Variants in ABLIM1 observed in about 807,000 individuals in gnomAD.
The protein encoded by ABLIM1 is actin-binding LIM protein 1.
In ABLIM1, 40 loss-of-function variants were observed where a neutral mutation model predicts 107.0. The observed-to-expected ratio is 0.37, with a 90% CI of 0.29 to 0.49. The LOEUF (loss-of-function observed/expected upper bound fraction) is 0.49, where lower values mean the gene tolerates loss of function less well. ABLIM1 is among the 20% of genes least tolerant of loss of function. The pLI, the probability that ABLIM1 is intolerant of heterozygous loss-of-function variation, is 0.97. For synonymous variants in ABLIM1, 357 were observed against 357.3 expected, an observed-to-expected ratio of 1.00 and a Z score of 0.01; for missense variants, 857 against 1,008.5, an observed-to-expected ratio of 0.85 and a Z score of 2.04.
intron 1 of ABLIM1, among the ~76,000 whole-genome samples, chr10:114,656,424 T>C (rs2079524385): frequency 6.6e-6 from 1 of 152,072 alleles, no homozygotes; most frequent in Non-Finnish European, 1.5e-5. Context: ...GACATAGTTA[T>C]TATATGACCC....
At chr10:114,633,902 G>A (rs2078325724) in intron 1 of ABLIM1, among the ~76,000 whole-genome samples, 2 of 151,956 alleles carry the variant, frequency 1.3e-5, no homozygotes, top group South Asian at 4.1e-4. Context: ...TTGCTGCTTA[G>A]GTACATGGGC....
upstream of ABLIM1, among the ~76,000 whole-genome samples, chr10:114,689,148 C>A (rs1281796486): frequency 6.6e-6 from 1 of 152,090 alleles, no homozygotes; most frequent in East Asian, 1.9e-4. Flanking sequence ...GGCAGTTTAT[C>A]AAGTTCAGGC....
At chr10:114,521,846 A>G (rs974471360) in intron 6 of ABLIM1, among the ~76,000 whole-genome samples, 1 of 152,188 alleles carries the variant, frequency 6.6e-6, no homozygotes, top group Non-Finnish European at 1.5e-5. Flanking sequence ...CATGGATACA[A>G]GCAGATAAGA....
At chr10:114,529,012 G>A (rs969762149) in intron 6 of ABLIM1, among the ~76,000 whole-genome samples, 2 of 152,180 alleles carry the variant, frequency 1.3e-5, no homozygotes, top group East Asian at 1.9e-4. Flanking sequence ...TCAGAGGAGT[G>A]AAGGTGTCCC....
At chr10:114,753,808 A>G (rs1156463553) in intron 1 of ABLIM1, among the ~76,000 whole-genome samples, 1 of 152,192 alleles carries the variant, frequency 6.6e-6, no homozygotes, top group African/African-American at 2.4e-5. Flanking sequence ...TCCAAGCTGA[A>G]AAAACACAAC....
At chr10:114,584,238 C>A (rs1163398903) in intron 2 of ABLIM1, among the ~76,000 whole-genome samples, 1 of 152,174 alleles carries the variant, frequency 6.6e-6, no homozygotes, top group African/African-American at 2.4e-5. Flanking sequence ...TGGGCTGGAG[C>A]AAACGCAGGG....
intron 19 of ABLIM1, 38 bp from the exon 20 acceptor site, chr10:114,440,127 G>T: frequency 6.3e-7 from 1 of 1,585,154 alleles, no homozygotes; most frequent in South Asian, 1.1e-5. Context: ...ATAAGGGAAA[G>T]ACCATGGAAA....
chr10:114,565,929 G>T (rs2070668166), intron 4 of ABLIM1, among the ~76,000 whole-genome samples: 1 of 151,526 alleles, frequency 6.6e-6, no homozygotes, highest in Non-Finnish European at 1.5e-5. Flanking sequence ...TGAGTAGCTG[G>T]GACTATAGGC....
chr10:114,565,595 T>A (rs533588568), intron 4 of ABLIM1, among the ~76,000 whole-genome samples: 3 of 152,198 alleles, frequency 2.0e-5, no homozygotes, highest in Admixed American at 2.0e-4. Context: ...CCAGGGCAGA[T>A]CTTTCCTACG....
At chr10:114,468,305 C>T (rs1021977818) in intron 10 of ABLIM1, 89 bp from the exon 11 acceptor site, 45 of 1,280,776 alleles carry the variant, frequency 3.5e-5, no homozygotes, top group Middle Eastern at 1.9e-4. Context: ...GATGGAGTCT[C>T]GCTCTGTCGC....
At chr10:114,681,341 G>T (rs927842902) in intron 1 of ABLIM1, among the ~76,000 whole-genome samples, 5 of 152,082 alleles carry the variant, frequency 3.3e-5, no homozygotes. Context: ...GATTACAGGC[G>T]TGTGTCACCA....
chr10:114,749,450 C>CCACACACACACACA lies in ABLIM1; in HGVS notation c.-213+18597_-213+18610dup, dbSNP rs151201319. The stretch of plus-strand genomic sequence containing the variant: ...TTCACAAATTAAAACAACACACACA[C>CCACACACACACACA]CACACACACACACACACACACACAC... On this transcript the variant is annotated intron_variant, in intron 1 of 15. Coordinates refer to the ABLIM1 transcript ENST00000651092. Among the ~76,000 whole-genome samples, 653 of 141,586 alleles carry CCACACACACACACA rather than the reference C, an allele frequency of 4.6e-3. 5 individuals are homozygous for CCACACACACACACA. The highest frequency in any genetic ancestry group is 0.012 in the African/African-American group (475 of 39,214). 92.9% of individuals were successfully genotyped at this position (141,586 alleles called of 152,430 possible).
chr10:114,627,808 G>C (rs1220270252), intron 1 of ABLIM1, among the ~76,000 whole-genome samples: 1 of 152,180 alleles, frequency 6.6e-6, no homozygotes, highest in East Asian at 1.9e-4. Flanking sequence ...GTGGTGGTCT[G>C]ATTGACTTTC....
the ABLIM1 span, among the ~76,000 whole-genome samples, chr10:114,775,102 A>G: frequency 6.6e-6 from 1 of 152,300 alleles, no homozygotes; most frequent in African/African-American, 2.4e-5. Context: ...CCCTCTTCAC[A>G]TGGTGGCAGG....
At chr10:114,769,596 T>C (rs2142816833), upstream of ABLIM1, among the ~76,000 whole-genome samples, 1 of 152,106 alleles carries the variant, frequency 6.6e-6, no homozygotes, top group South Asian at 2.1e-4. Flanking sequence ...AGAGATGTTC[T>C]AGTTGTTTTC....
chr10:114,782,204 CATAT>C, the ABLIM1 span, among the ~76,000 whole-genome samples: 2 of 152,074 alleles, frequency 1.3e-5, no homozygotes, highest in Non-Finnish European at 2.9e-5. Flanking sequence ...TCTGATTTAA[CATAT>C]ACCCTGCACC....
chr10:114,570,677 A>T (rs1183788729), intron 4 of ABLIM1, among the ~76,000 whole-genome samples: 1 of 135,500 alleles, frequency 7.4e-6, no homozygotes, highest in Non-Finnish European at 1.5e-5. Context: ...ATCTCAGCTC[A>T]CTGCAACCTC....
chr10:114,633,273 G>A (rs960805231), intron 1 of ABLIM1, among the ~76,000 whole-genome samples: 16 of 152,298 alleles, frequency 1.1e-4, no homozygotes, highest in South Asian at 2.1e-4. Flanking sequence ...GACTCAGAGG[G>A]TGTGTATGGC....
intron 10 of ABLIM1, among the ~76,000 whole-genome samples, chr10:114,472,439 C>T (rs1392722350): frequency 2.0e-5 from 3 of 152,084 alleles, no homozygotes; most frequent in Admixed American, 6.5e-5. Context: ...GTCAAACAAT[C>T]GGCATGTGGT....
Sources: allele counts gnomAD v4.1 joint callset (sites outside exome capture counted in the v4.1 genomes callset), GRCh38; gene constraint gnomAD v4.1.1; transcripts MANE v1.5; gene names NCBI Gene and HGNC (gene_info 2026-07-23, HGNC 2026-07-21).